KANSL3: variants seen among roughly 807,000 people sequenced by gnomAD.
The protein encoded by KANSL3 is NSL complex protein NSL3.
Under a neutral mutation model 89.2 loss-of-function variants are expected in KANSL3, and 16 were observed. The ratio of observed to expected loss-of-function variants is 0.18; its 90% CI spans 0.12 to 0.27. The LOEUF is 0.27. KANSL3 is among the 10% of genes least tolerant of loss of function. The pLI is 1.00. For synonymous variants in KANSL3, 385 were observed against 419.7 expected (o/e 0.92, Z 1.01); for missense variants, 879 against 1,110.6 (o/e 0.79, Z 2.96).
chr2:96,597,990 G>T, intron 20 of KANSL3: 1 of 459,880 alleles, frequency 2.2e-6, no homozygotes, highest in Non-Finnish European at 2.9e-6. Flanking sequence ...TGCTTCAACT[G>T]AGCTCCAGAA....
At chr2:96,624,341 G>C (rs1419796048) in intron 3 of KANSL3, among the ~76,000 whole-genome samples, 7 of 152,076 alleles carry the variant, frequency 4.6e-5, no homozygotes, top group Non-Finnish European at 1.5e-5. Flanking sequence ...ATTTGAAAAA[G>C]CTCTCTGGAA....
At chr2:96,585,190 CACA>C in the KANSL3 span, among the ~76,000 whole-genome samples, 639 of 152,166 alleles carry the variant, frequency 4.2e-3, 6 homozygotes, top group African/African-American at 0.015. Flanking sequence ...AATCAGAGTA[CACA>C]ACAACCTACA....
At chr2:96,606,660 C>G (rs897947352) in intron 14 of KANSL3, 26 of 231,782 alleles carry the variant, frequency 1.1e-4, no homozygotes, top group African/African-American at 6.2e-4. Flanking sequence ...GAAAAACACA[C>G]AAGGAAACTG....
chr2:96,613,777 C>T (rs919487028), intron 5 of KANSL3, among the ~76,000 whole-genome samples, 158 bp from the exon 6 acceptor site: 3 of 151,952 alleles, frequency 2.0e-5, no homozygotes, highest in South Asian at 2.1e-4. Context: ...TATAAATAAG[C>T]GGGTGAAAAG....
chr2:96,611,903 A>ATATGTGTGTGTGTGTGTGTG (rs376030964), intron 9 of KANSL3, among the ~76,000 whole-genome samples: 1,260 of 113,278 alleles, frequency 0.011, 23 homozygotes, highest in South Asian at 0.038. Flanking sequence ...ATATACCCAT[A>ATATGTGTGTGTGTGTGTGTG]TGTGTGTGTG....
At chr2:96,604,483 C>T in intron 16 of KANSL3, 103 bp from the exon 17 acceptor site, 1 of 1,337,378 alleles carries the variant, frequency 7.5e-7, no homozygotes, top group South Asian at 1.4e-5. Context: ...CTTTCAGCAG[C>T]AGACATACAC....
intron 3 of KANSL3, among the ~76,000 whole-genome samples, chr2:96,626,377 G>C (rs2072319058): frequency 1.3e-5 from 2 of 151,810 alleles, no homozygotes. Flanking sequence ...GGGAGGGGAA[G>C]GAGGGACGAT....
rs777537748 is a variant in KANSL3 at position 96,609,581 on chromosome 2, G to A, written c.1320-19C>T. On this transcript the variant is annotated intron_variant, in intron 11 of 20. Coordinates refer to ENST00000431828, the MANE Select transcript of KANSL3 (RefSeq NM_001115016.3). Reference sequence around the variant, plus strand: ...GCTTATTCTAAGAAACAAAAAGGATGACATGTTTACTTCTTACACATTGCA... The same window carrying A: ...GCTTATTCTAAGAAACAAAAAGGATAACATGTTTACTTCTTACACATTGCA... The A allele has an allele frequency of 6.2e-7, 1 of 1,602,652 alleles. No homozygotes were observed. Among genetic ancestry groups the A allele is most frequent in the Non-Finnish European group, 8.5e-7 (1 of 1,169,610 alleles).
chr2:96,614,861 G>A (rs990501394), intron 5 of KANSL3, among the ~76,000 whole-genome samples: 9 of 150,448 alleles, frequency 6.0e-5, no homozygotes, highest in Admixed American at 6.6e-5. Flanking sequence ...AATGGGTGCA[G>A]CACACCAACA....
Position 96,619,463 on chromosome 2 carries a change from A to C in KANSL3, c.559T>G (p.Trp187Gly). 2.5e-6 allele frequency: 4 copies of C among 1,614,052 alleles called. No homozygotes were observed. Among genetic ancestry groups the C allele is most frequent in the Non-Finnish European group, 3.4e-6 (4 of 1,179,898 alleles). The change falls in exon 5 of 21, where the codon TGG becomes GGG. Residue 187 changes from tryptophan to glycine, a missense_variant. By Grantham distance (184) the Trp-to-Gly change is radical. This residue lies in a region of KANSL3 where 210 missense variants were observed against 311.9 expected (regional missense o/e 0.67). Coordinates refer to ENST00000431828, the MANE Select transcript of KANSL3 (RefSeq NM_001115016.3). ...RVRQALASVSWDTKLIQWLHT... is the reference protein window; with the variant it reads ...RVRQALASVSGDTKLIQWLHT... The stretch of plus-strand genomic sequence containing the variant: ...AGCCACTGGATCAGCTTGGTATCCC[A>C]GCTCACACTTGCCAGAGCCTGCCGC...
intron 9 of KANSL3, 77 bp downstream of exon 9, chr2:96,612,205 G>T: frequency 9.9e-7 from 1 of 1,007,802 alleles, no homozygotes; most frequent in Non-Finnish European, 1.6e-6. Flanking sequence ...CTGACACACA[G>T]TAAAGGACTC....
At chr2:96,637,434 T>C (rs2074403020) in intron 1 of KANSL3, among the ~76,000 whole-genome samples, 1 of 151,728 alleles carries the variant, frequency 6.6e-6, no homozygotes, top group South Asian at 2.1e-4. Context: ...ACGGGAGAGC[T>C]CACCGACCCC....
chr2:96,623,681 T>C (rs2071746024), intron 3 of KANSL3, among the ~76,000 whole-genome samples: 1 of 152,208 alleles, frequency 6.6e-6, no homozygotes. Context: ...ACAAGGGTTC[T>C]ATCCCACCCT....
chr2:96,582,122 G>T, the KANSL3 span, among the ~76,000 whole-genome samples: 1 of 152,118 alleles, frequency 6.6e-6, no homozygotes, highest in African/African-American at 2.4e-5. Flanking sequence ...CAGGTGCGGT[G>T]GCTCACATCT....
intron 5 of KANSL3, chr2:96,615,440 A>T: frequency 1.0e-6 from 1 of 973,822 alleles, no homozygotes; most frequent in Non-Finnish European, 1.4e-6. Context: ...ATCTACCAGA[A>T]ATGTGACATT....
intron 2 of KANSL3, among the ~76,000 whole-genome samples, chr2:96,633,421 A>G (rs2073768248): frequency 6.6e-6 from 1 of 151,610 alleles, no homozygotes; most frequent in South Asian, 2.1e-4. Flanking sequence ...AAAAAACAAA[A>G]ATTAGGGTGT....
chr2:96,612,732 T>C (rs904160548), intron 7 of KANSL3, 86 bp downstream of exon 7: 4 of 1,210,040 alleles, frequency 3.3e-6, no homozygotes, highest in Non-Finnish European at 4.8e-6. Flanking sequence ...GTTACCCATT[T>C]TGACCTCCTC....
intron 18 of KANSL3, 55 bp from the exon 19 acceptor site, chr2:96,602,393 G>A (rs976676929): frequency 1.7e-5 from 23 of 1,314,446 alleles, no homozygotes; most frequent in Middle Eastern, 2.4e-4. Context: ...AGCAACATTC[G>A]AGCTTGGAGG....
chr2:96,636,649 C>T (rs1243337678), intron 2 of KANSL3: 1 of 374,240 alleles, frequency 2.7e-6, no homozygotes. Flanking sequence ...TAACCCTCTA[C>T]GATTTTCCCC....
Sources: allele counts gnomAD v4.1 joint callset (sites outside exome capture counted in the v4.1 genomes callset), GRCh38; gene constraint gnomAD v4.1.1; regional missense constraint gnomAD v4.1.1; transcripts MANE v1.5; gene names NCBI Gene and HGNC (gene_info 2026-07-23, HGNC 2026-07-21).